Variants in RRBP1 observed in about 807,000 individuals in gnomAD.
The protein encoded by RRBP1 is ribosome binding protein 1.
In RRBP1, 94 loss-of-function variants were observed where a neutral mutation model predicts 165.2. That is an observed-to-expected ratio of 0.57 (90% CI 0.48 to 0.68). The LOEUF (loss-of-function observed/expected upper bound fraction) is 0.68, where lower values mean the gene tolerates loss of function less well. Among genes scored for constraint, RRBP1 ranks in the 30% least tolerant of loss-of-function variants. RRBP1 has a pLI of 0.00. For missense variants in RRBP1, 1,676 were observed against 1,763.0 expected (o/e 0.95, Z 0.88); for synonymous variants, 680 against 714.5 (o/e 0.95, Z 0.77).
At chr20:17,654,585 C>T (rs1448824369) in intron 3 of RRBP1, among the ~76,000 whole-genome samples, 1 of 152,228 alleles carries the variant, frequency 6.6e-6, no homozygotes, top group East Asian at 1.9e-4. Flanking sequence ...CTCCTTTCAT[C>T]TGTCCTGAGC....
At chr20:17,666,887 C>CTTA (rs902295885) in intron 2 of RRBP1, among the ~76,000 whole-genome samples, 32 of 103,428 alleles carry the variant, frequency 3.1e-4, no homozygotes, top group Admixed American at 8.2e-4. Context: ...ACATTTTCTC[C>CTTA]TTTAATCTGA....
At chr20:17,681,871 G>A (rs1600199698) in intron 1 of RRBP1, among the ~76,000 whole-genome samples, 157 bp downstream of exon 1, 1 of 148,090 alleles carries the variant, frequency 6.8e-6, no homozygotes, top group Admixed American at 6.7e-5. Context: ...CCCCGACCCC[G>A]ATGGTGCACG....
chr20:17,665,242 C>A (rs953331998), intron 2 of RRBP1, among the ~76,000 whole-genome samples: 3 of 152,120 alleles, frequency 2.0e-5, no homozygotes, highest in Non-Finnish European at 4.4e-5. Flanking sequence ...CTATCTCTAC[C>A]AACAAAATAC....
Position 17,659,264 on chromosome 20 carries a change from G to A in RRBP1, c.1244C>T (p.Ala415Val). Reference sequence around the variant, plus strand: ...CTCGGCCTTTTTGCCCTGATTCTGGGCCCCCTCGGCCTTTTTGCCCTGGTT... The same window carrying A: ...CTCGGCCTTTTTGCCCTGATTCTGGACCCCCTCGGCCTTTTTGCCCTGGTT... ...AQNQGKKAEGAQNQGKKAEGA... is the reference protein window; with the variant it reads ...AQNQGKKAEGVQNQGKKAEGA... Residue 415 changes from alanine (A) to valine (V), a missense_variant, in exon 3 of 25, where the codon GCC (alanine) becomes GTC (valine). Ala to Val is a moderately conservative substitution (Grantham distance 64, BLOSUM62 0). This residue lies in a region of RRBP1 where 4 missense variants were observed against 59.0 expected (regional missense o/e 0.07). Coordinates refer to ENST00000377813, the MANE Select transcript of RRBP1 (RefSeq NM_001365613.2). 6.5e-7 allele frequency: 1 copy of A among 1,544,730 alleles called. No homozygotes were observed. Among genetic ancestry groups the A allele is most frequent in the Non-Finnish European group, 8.7e-7 (1 of 1,144,904 alleles).
In RRBP1 at chr20:17,627,681, C is replaced by T. The variant is rs1247957217; in HGVS notation, c.2751G>A (p.Glu917=). The T allele has an allele frequency of 6.3e-7, 1 of 1,592,254 alleles. No homozygotes were observed. Among genetic ancestry groups the T allele is most frequent in the East Asian group, 2.2e-5 (1 of 44,500 alleles). The change falls in exon 10 of 25, where the codon GAG becomes GAA. Residue 917 remains glutamate (E), a splice_region_variant and synonymous_variant. Coordinates refer to ENST00000377813, the MANE Select transcript of RRBP1 (RefSeq NM_001365613.2). ...KAQEQQQQMA[E]LHSKLQSSEA... The stretch of plus-strand genomic sequence containing the variant: ...CGGAGGACTGTAACTTGCTGTGCAG[C>T]TCTGGTGCAGAGGAAGGGAAACGAG...
intron 9 of RRBP1, among the ~76,000 whole-genome samples, chr20:17,628,899 G>A (rs2036088639): frequency 6.6e-6 from 1 of 152,270 alleles, no homozygotes; most frequent in Non-Finnish European, 1.5e-5. Context: ...TGTTCACTCG[G>A]TGTTAATGGG....
intron 3 of RRBP1, among the ~76,000 whole-genome samples, chr20:17,656,552 C>T (rs942659375): frequency 6.6e-6 from 1 of 152,206 alleles, no homozygotes; most frequent in Non-Finnish European, 1.5e-5. Flanking sequence ...TCCTTCCCTA[C>T]TGCAATATGA....
At chr20:17,620,225 T>G (rs2035884445) in intron 18 of RRBP1, 74 bp downstream of exon 18, 14 of 1,054,124 alleles carry the variant, frequency 1.3e-5, no homozygotes, top group Non-Finnish European at 2.1e-5. Flanking sequence ...ATCAGTGAAG[T>G]GTCCTCTGCA....
chr20:17,624,290 G>GTGTGCGTCCTAGTGCACC (rs1207038812), intron 13 of RRBP1, among the ~76,000 whole-genome samples: 2 of 152,260 alleles, frequency 1.3e-5, no homozygotes, highest in Admixed American at 1.3e-4. Flanking sequence ...TTAGTGCACT[G>GTGTGCGTCCTAGTGCACC]TGTGCGTCCT....
At chr20:17,664,486 G>A (rs577985708) in intron 2 of RRBP1, among the ~76,000 whole-genome samples, 8 of 152,304 alleles carry the variant, frequency 5.3e-5, no homozygotes, top group Admixed American at 3.9e-4. Flanking sequence ...AAAGATGAAG[G>A]CCCCAAGAGG....
chr20:17,616,613 G>C, intron 21 of RRBP1, 119 bp downstream of exon 21: 2 of 664,004 alleles, frequency 3.0e-6, no homozygotes, highest in Non-Finnish European at 5.2e-6. Flanking sequence ...AAGCAGGGTG[G>C]GGTGGGGAAG....
rs2036373610 is a variant in RRBP1, at chr20:17,642,069, G to A, written c.2062-150C>T. Reference sequence around the variant, plus strand: ...CCACTGGGACTCCAGATACTTGTGGGGAAAGGCGGCCCCGCCTCAGCCATC... The same window carrying A: ...CCACTGGGACTCCAGATACTTGTGGAGAAAGGCGGCCCCGCCTCAGCCATC... On this transcript the variant is annotated intron_variant, in intron 4 of 24. Coordinates refer to ENST00000377813, the MANE Select transcript of RRBP1 (RefSeq NM_001365613.2). 14 of 912,558 alleles carry A rather than the reference G, an allele frequency of 1.5e-5. No homozygotes were observed. The South Asian group carries it at 2.3e-4, about 15-fold the overall frequency. 56.5% of individuals were successfully genotyped at this position (912,558 alleles called of 1,614,324 possible).
At chr20:17,678,018 A>G (rs2037114322) in intron 2 of RRBP1, among the ~76,000 whole-genome samples, 1 of 152,228 alleles carries the variant, frequency 6.6e-6, no homozygotes, top group South Asian at 2.1e-4. Context: ...AAAAAATCTA[A>G]GTTAGAAATC....
At chr20:17,625,478 C>CCCGT in intron 12 of RRBP1, 34 bp downstream of exon 12, 1 of 1,593,578 alleles carries the variant, frequency 6.3e-7, no homozygotes, top group Non-Finnish European at 8.6e-7. Flanking sequence ...GCTTCCCTGG[C>CCCGT]CCGTCCGTCC....
intron 2 of RRBP1, among the ~76,000 whole-genome samples, chr20:17,676,773 C>T (rs1294695156): frequency 6.6e-6 from 1 of 152,078 alleles, no homozygotes; most frequent in Non-Finnish European, 1.5e-5. Context: ...TATTATGAGA[C>T]AGAGTCTCAC....
intron 5 of RRBP1, among the ~76,000 whole-genome samples, chr20:17,639,357 G>T (rs142353678): frequency 9.2e-4 from 140 of 152,354 alleles, no homozygotes; most frequent in Non-Finnish European, 1.7e-3. Context: ...AGTGTGTCCA[G>T]ATCATGCCTT....
rs544581235 is a variant in RRBP1 at position 17,659,579 on chromosome 20, T to C, written c.929A>G (p.Lys310Arg). Residue 310 changes from lysine (K) to arginine (R), a missense_variant, in exon 3 of 25, where the codon AAA becomes AGA. Physicochemically the swap from Lys to Arg is conservative, Grantham distance 26. This residue lies in a region of RRBP1 where 392 missense variants were observed against 382.5 expected (regional missense o/e 1.02). Transcript: ENST00000377813. ...CTGATTCTGGGCCCCCTCTGCCTTT[T>C]TGCCCTGGTTCTGGGCCCCTTCTAC... ...KKVEGAQNQGKKAEGAQNQGK... is the reference protein window; with the variant it reads ...KKVEGAQNQGRKAEGAQNQGK... The C allele has an allele frequency of 9.7e-6, 15 of 1,549,616 alleles. 1 individual carries two copies. Among genetic ancestry groups the C allele is most frequent in the South Asian group, 6.0e-5 (5 of 84,006 alleles).
chr20:17,626,766 G>A (rs990501666), intron 11 of RRBP1, among the ~76,000 whole-genome samples: 6 of 141,956 alleles, frequency 4.2e-5, no homozygotes, highest in African/African-American at 7.5e-5. Context: ...GGTGTTGGCC[G>A]GCCTTAGCAA....
intron 2 of RRBP1, among the ~76,000 whole-genome samples, chr20:17,669,320 C>A (rs757606306): frequency 6.6e-6 from 1 of 152,180 alleles, no homozygotes; most frequent in Admixed American, 6.5e-5. Flanking sequence ...AGACCTAAAT[C>A]TTCTGCGAAC....
Sources: gnomAD v4.1 joint callset for allele counts (sites outside exome capture counted in the v4.1 genomes callset) on GRCh38, gnomAD v4.1.1 for gene constraint, gnomAD v4.1.1 regional missense constraint, MANE v1.5 for transcripts, NCBI Gene and HGNC (gene_info 2026-07-23, HGNC 2026-07-21) for gene names.